ABCA13: variants seen among roughly 807,000 people sequenced by gnomAD.
ABCA13 encodes the protein ATP-binding cassette sub-family A member 13.
ABCA13 carries 476 observed loss-of-function variants against 478.7 expected under a neutral mutation model. That is an observed-to-expected ratio of 0.99 (90% CI 0.92 to 1.07). The LOEUF is 1.07. ABCA13 is among the 50% of genes least tolerant of loss of function. ABCA13 has a pLI of 0.00. For missense variants in ABCA13, 6,060 were observed against 5,910.6 expected, an observed-to-expected ratio of 1.03 and a Z score of -0.83; for synonymous variants, 2,252 against 2,158.9, an observed-to-expected ratio of 1.04 and a Z score of -1.20.
At chr7:48,360,664 G>A (rs956412646) in intron 31 of ABCA13, among the ~76,000 whole-genome samples, 3 of 151,996 alleles carry the variant, frequency 2.0e-5, no homozygotes, top group African/African-American at 4.8e-5. Flanking sequence ...TTTGGGATGA[G>A]TCCCTCATTC....
rs1477169411 is a variant in ABCA13 at position 48,507,855 on chromosome 7, C to T, written c.13347-17C>T. The T allele has an allele frequency of 1.3e-6, 2 of 1,590,410 alleles. No homozygotes were observed. Among genetic ancestry groups the T allele is most frequent in the East Asian group, 2.3e-5 (1 of 44,000 alleles). ...TTCTTCGTCAGGTGCCTGAGAGCTGCTCTGTTCCACCCGCAGCCTGGAGAG... is the reference window on the plus strand; with the variant it reads ...TTCTTCGTCAGGTGCCTGAGAGCTGTTCTGTTCCACCCGCAGCCTGGAGAG... On this transcript the variant is annotated splice_polypyrimidine_tract_variant and intron_variant, in intron 49 of 61. Transcript: ENST00000435803.
chr7:48,507,178 T>C (rs1384703266), intron 49 of ABCA13, among the ~76,000 whole-genome samples: 4 of 152,152 alleles, frequency 2.6e-5, no homozygotes, highest in African/African-American at 9.7e-5. Flanking sequence ...GTAGGCTAGC[T>C]GACATCTGTT....
At chr7:48,439,771 ATC>A (rs1382684044) in intron 42 of ABCA13, among the ~76,000 whole-genome samples, 1 of 152,120 alleles carries the variant, frequency 6.6e-6, no homozygotes, top group East Asian at 1.9e-4. Flanking sequence ...GAGCAGGATA[ATC>A]TGTTTTGATT....
chr7:48,285,391 G>A (rs1797591115), intron 19 of ABCA13, among the ~76,000 whole-genome samples: 1 of 152,194 alleles, frequency 6.6e-6, no homozygotes, highest in Non-Finnish European at 1.5e-5. Context: ...GAGGGTACCC[G>A]GGAAAGTTGG....
intron 41 of ABCA13, among the ~76,000 whole-genome samples, chr7:48,419,818 A>G (rs1264579904): frequency 6.6e-6 from 1 of 152,206 alleles, no homozygotes; most frequent in Non-Finnish European, 1.5e-5. Context: ...ACGGACGCTA[A>G]GAAAGAAATT....
At chr7:48,452,083 G>T (rs1825112859) in intron 42 of ABCA13, among the ~76,000 whole-genome samples, 1 of 152,076 alleles carries the variant, frequency 6.6e-6, no homozygotes, top group African/African-American at 2.4e-5. Context: ...TCTCATTTAT[G>T]TCCAATTAAC....
intron 35 of ABCA13, among the ~76,000 whole-genome samples, chr7:48,380,458 C>T (rs766995657): frequency 1.2e-4 from 18 of 152,186 alleles, no homozygotes; most frequent in Non-Finnish European, 2.1e-4. Context: ...TAATCTTCCA[C>T]TAGTTTACAC....
intron 55 of ABCA13, among the ~76,000 whole-genome samples, chr7:48,545,752 G>GA (rs11414680): frequency 0.14 from 20,889 of 147,478 alleles, 1,993 homozygotes; most frequent in African/African-American, 0.23. Context: ...GAATAGATTT[G>GA]AAAAAAAAAG....
chr7:48,210,630 T>G (rs932855745), intron 3 of ABCA13, among the ~76,000 whole-genome samples: 1 of 152,104 alleles, frequency 6.6e-6, no homozygotes, highest in Non-Finnish European at 1.5e-5. Context: ...GTTCACTATT[T>G]CTGTGTTTTT....
chr7:48,599,425 A>G (rs1266991563), intron 58 of ABCA13, among the ~76,000 whole-genome samples: 4 of 151,694 alleles, frequency 2.6e-5, no homozygotes, highest in African/African-American at 4.8e-5. Context: ...TTATTTTTGA[A>G]TTGTAATAGT....
intron 41 of ABCA13, among the ~76,000 whole-genome samples, chr7:48,420,139 A>G (rs938025663): frequency 2.6e-5 from 4 of 152,158 alleles, no homozygotes; most frequent in Non-Finnish European, 4.4e-5. Context: ...TGATGACTTT[A>G]CAGGAGTGAG....
chr7:48,565,040 A>G (rs1786886996), intron 55 of ABCA13, among the ~76,000 whole-genome samples: 1 of 152,126 alleles, frequency 6.6e-6, no homozygotes, highest in South Asian at 2.1e-4. Flanking sequence ...TAAGACACCA[A>G]ATGAAAGAAA....
intron 44 of ABCA13, among the ~76,000 whole-genome samples, chr7:48,468,600 G>T (rs1009076205): frequency 4.6e-5 from 7 of 152,114 alleles, no homozygotes; most frequent in African/African-American, 1.7e-4. Context: ...TCAAATCAGA[G>T]CAAAAAGTTT....
rs956783034 is a variant in ABCA13 at position 48,276,432 on chromosome 7, T to C, written c.6766T>C (p.Ser2256Pro). Residue 2256 changes from serine to proline, a missense_variant, in exon 17 of 62, where the codon TCT becomes CCT. Coordinates refer to ENST00000435803, the MANE Select transcript of ABCA13 (RefSeq NM_152701.5). ...QSETSRKTVL[S>P]LRSIVDFTEQ... ...AGAAACTAGTAGGAAAACAGTTCTC[T>C]CTCTGAGAAGCATAGTAGATTTCAC... is the stretch of plus-strand genomic sequence containing the variant. 6.4e-6 allele frequency: 10 copies of C among 1,574,206 alleles called. No individual in the cohort carries two copies. In the Admixed American group the frequency reaches 1.3e-4, roughly 20 times the overall value.
At chr7:48,203,835 C>A (rs960832668) in intron 3 of ABCA13, among the ~76,000 whole-genome samples, 1 of 152,260 alleles carries the variant, frequency 6.6e-6, no homozygotes, top group Non-Finnish European at 1.5e-5. Context: ...GTCTACAGCA[C>A]CCGGTGCCTT....
At chr7:48,403,199 C>A (rs758632789) in intron 38 of ABCA13, among the ~76,000 whole-genome samples, 2 of 152,212 alleles carry the variant, frequency 1.3e-5, no homozygotes, top group Non-Finnish European at 2.9e-5. Context: ...ACTGGAACAT[C>A]TGCATTAATC....
intron 59 of ABCA13, among the ~76,000 whole-genome samples, chr7:48,621,207 C>G (rs1387059552): frequency 3.3e-5 from 5 of 152,082 alleles, no homozygotes; most frequent in Non-Finnish European, 7.4e-5. Flanking sequence ...TTGGCATTTT[C>G]TTCCCTTTGC....
chr7:48,564,681 T>C (rs1210040898), intron 55 of ABCA13, among the ~76,000 whole-genome samples: 1 of 151,708 alleles, frequency 6.6e-6, no homozygotes, highest in African/African-American at 2.4e-5. Context: ...TCTTATATAA[T>C]TAAAAAGTTA....
intron 40 of ABCA13, among the ~76,000 whole-genome samples, chr7:48,411,014 TC>T: frequency 8.6e-6 from 1 of 116,044 alleles, no homozygotes. Context: ...TTTCTTTCTT[TC>T]TTTCTTTCTT....
Sources: gnomAD v4.1 joint callset for allele counts (sites outside exome capture counted in the v4.1 genomes callset) on GRCh38, gnomAD v4.1.1 for gene constraint, MANE v1.5 for transcripts, NCBI Gene and HGNC (gene_info 2026-07-23, HGNC 2026-07-21) for gene names.